Variants in CSMD1 observed in about 807,000 individuals in gnomAD.
CSMD1 encodes CUB and Sushi multiple domains 1.
A neutral mutation model predicts 417.5 loss-of-function variants in CSMD1; 213 were observed. That is an observed-to-expected ratio of 0.51 (90% CI 0.46 to 0.57). The LOEUF (loss-of-function observed/expected upper bound fraction) is 0.57, where lower values mean the gene tolerates loss of function less well. Ranked by LOEUF, CSMD1 falls within the 20% of genes least tolerant of loss-of-function variation. CSMD1 has a pLI of 0.00. For missense variants in CSMD1, 6,923 were observed against 4,529.7 expected, an observed-to-expected ratio of 1.53 and a Z score of -15.17; for synonymous variants, 2,862 against 1,736.8, an observed-to-expected ratio of 1.65 and a Z score of -16.11.
chr8:4,481,789 C>A lies in CSMD1; in HGVS notation c.303-61724G>T, dbSNP rs144447565. ...AGTATATGCCAGAGACTATTGTGAG[C>A]ACATAATGGGATTAACTTGTTTAAT... On this transcript the variant is annotated intron_variant, in intron 2 of 69. Transcript: ENST00000635120. Among the ~76,000 whole-genome samples, 971 of 152,180 alleles carry A rather than the reference C, an allele frequency of 6.4e-3. 27 individuals are homozygous for A. The highest frequency in any genetic ancestry group is 0.055 in the Admixed American group (839 of 15,280).
At chr8:4,087,355 A>C (rs1362174781) in intron 3 of CSMD1, among the ~76,000 whole-genome samples, 3 of 152,160 alleles carry the variant, frequency 2.0e-5, no homozygotes, top group Non-Finnish European at 4.4e-5. Flanking sequence ...TGCAAGTCTG[A>C]ATTTGCTTCT....
In CSMD1 at chr8:3,972,224, A is replaced by C. The variant is rs538077995; in HGVS notation, c.818+25679T>G. On this transcript the variant is annotated intron_variant, in intron 5 of 69. Transcript: ENST00000635120. ...CACTTTGTTGAAGAAAGCAGGGAGA[A>C]AAAAAAAAGAACTTCAATTAAATAG... Among the ~76,000 whole-genome samples, 58 of 151,440 alleles carry C rather than the reference A, an allele frequency of 3.8e-4. No homozygotes were observed. The South Asian group carries it at 0.012, about 30-fold the overall frequency.
chr8:3,817,960 A>G (rs902449706), intron 5 of CSMD1, among the ~76,000 whole-genome samples: 3 of 152,158 alleles, frequency 2.0e-5, no homozygotes, highest in Admixed American at 1.3e-4. Context: ...TTCTTTTGGT[A>G]TCTTTGGTAT....
chr8:4,421,172 C>G (rs551087995), intron 2 of CSMD1, among the ~76,000 whole-genome samples: 2 of 152,248 alleles, frequency 1.3e-5, no homozygotes, highest in South Asian at 2.1e-4. Flanking sequence ...GAAGACACTG[C>G]TTTGTACTTT....
chr8:3,556,392 A>ATATAT (rs1554468279), intron 10 of CSMD1, among the ~76,000 whole-genome samples: 1,387 of 120,352 alleles, frequency 0.012, 54 homozygotes, highest in Non-Finnish European at 0.016. Flanking sequence ...TATAATAATT[A>ATATAT]ATATATATAT....
In CSMD1 at chr8:3,556,035, T is replaced by G. The variant is rs541529083; in HGVS notation, c.1344+18910A>C. ...ACAGAACAAATAGAATATAGAGGAA[T>G]TTGACATTAACTTTTCGCTCTAGAT... On this transcript the variant is annotated intron_variant, in intron 10 of 69. Coordinates refer to ENST00000635120, the MANE Select transcript of CSMD1 (RefSeq NM_033225.6). 4.6e-5 allele frequency among the ~76,000 whole-genome samples: 7 copies of G among 152,100 alleles called. No individual in the cohort carries two copies. In the East Asian group the frequency reaches 1.2e-3, roughly 25 times the overall value.
intron 3 of CSMD1, among the ~76,000 whole-genome samples, chr8:4,385,685 A>G (rs1391796121): frequency 3.3e-5 from 5 of 152,194 alleles, no homozygotes; most frequent in Non-Finnish European, 7.3e-5. Context: ...CACATGCTAA[A>G]AATAGTAATA....
chr8:3,093,951 G>C (rs2129009425), intron 47 of CSMD1, among the ~76,000 whole-genome samples: 1 of 152,140 alleles, frequency 6.6e-6, no homozygotes, highest in South Asian at 2.1e-4. Flanking sequence ...TTGGTATGTT[G>C]GTTTGCTTTT....
At chr8:4,503,475 C>G (rs939068255) in intron 2 of CSMD1, among the ~76,000 whole-genome samples, 3 of 152,046 alleles carry the variant, frequency 2.0e-5, no homozygotes, top group Non-Finnish European at 4.4e-5. Flanking sequence ...AGATACTTAC[C>G]TATACATATT....
At chr8:4,560,414 G>C (rs1208019261) in intron 2 of CSMD1, among the ~76,000 whole-genome samples, 1 of 152,188 alleles carries the variant, frequency 6.6e-6, no homozygotes. Flanking sequence ...CTACACAAAA[G>C]ATCATGTCTG....
chr8:3,717,696 A>C lies in CSMD1; in HGVS notation c.932-9205T>G, dbSNP rs529592958. Reference sequence around the variant, plus strand: ...TATATATAAGTTGATAGGTGAAGACACTTAATATTGGTAGAATAAAAATAA... The same window carrying C: ...TATATATAAGTTGATAGGTGAAGACCCTTAATATTGGTAGAATAAAAATAA... On this transcript the variant is annotated intron_variant, in intron 6 of 69. Transcript: ENST00000635120. Among the ~76,000 whole-genome samples, 147 of 152,330 alleles carry C rather than the reference A, an allele frequency of 9.7e-4. 1 individual carries two copies. The highest frequency in any genetic ancestry group is 3.4e-3 in the Middle Eastern group (1 of 294).
intron 3 of CSMD1, among the ~76,000 whole-genome samples, chr8:4,135,359 G>A (rs553554765): frequency 3.2e-5 from 4 of 126,718 alleles, no homozygotes; most frequent in African/African-American, 6.9e-5. Flanking sequence ...GGGAAAGGAG[G>A]GAAGGAAGGG....
chr8:4,905,377 A>T (rs1805175539), intron 1 of CSMD1, among the ~76,000 whole-genome samples: 1 of 152,064 alleles, frequency 6.6e-6, no homozygotes, highest in South Asian at 2.1e-4. Flanking sequence ...GATTTATAAA[A>T]TATATATATT....
At chr8:4,774,898 G>A (rs1350478322) in intron 1 of CSMD1, among the ~76,000 whole-genome samples, 2 of 152,076 alleles carry the variant, frequency 1.3e-5, no homozygotes, top group Admixed American at 6.6e-5. Flanking sequence ...TGAGGCCTCC[G>A]CAGAAGCCAG....
chr8:4,270,243 G>A (rs551632238), intron 3 of CSMD1, among the ~76,000 whole-genome samples: 1 of 152,100 alleles, frequency 6.6e-6, no homozygotes, highest in African/African-American at 2.4e-5. Flanking sequence ...TCTTTCTCAT[G>A]TCTCTTACAA....
intron 1 of CSMD1, among the ~76,000 whole-genome samples, chr8:4,803,141 T>C (rs1257718828): frequency 2.0e-5 from 3 of 152,186 alleles, no homozygotes; most frequent in African/African-American, 4.8e-5. Context: ...GCCCATACAA[T>C]GGACTATATA....
At chr8:2,940,125 C>A (rs138484077) in intron 69 of CSMD1, among the ~76,000 whole-genome samples, 1 of 152,198 alleles carries the variant, frequency 6.6e-6, no homozygotes, top group Admixed American at 6.5e-5. Context: ...AAATATTTAT[C>A]TCTTTAGAGC....
intron 11 of CSMD1, among the ~76,000 whole-genome samples, chr8:3,492,174 G>C (rs1818419967): frequency 6.7e-6 from 1 of 150,290 alleles, no homozygotes; most frequent in African/African-American, 2.4e-5. Context: ...TGGGTTTCAG[G>C]AGAAGCCAAG....
intron 11 of CSMD1, among the ~76,000 whole-genome samples, chr8:3,492,417 T>C (rs921815001): frequency 8.5e-5 from 13 of 152,054 alleles, no homozygotes; most frequent in African/African-American, 2.9e-4. Context: ...AGTATATAAG[T>C]AGACAAAGAA....
Sources: allele counts gnomAD v4.1 joint callset (sites outside exome capture counted in the v4.1 genomes callset), GRCh38; gene constraint gnomAD v4.1.1; transcripts MANE v1.5; gene names NCBI Gene and HGNC (gene_info 2026-07-23, HGNC 2026-07-21).